JAK2: variants seen among roughly 807,000 people sequenced by gnomAD.
JAK2 encodes tyrosine-protein kinase JAK2.
Under a neutral mutation model 139.3 loss-of-function variants are expected in JAK2, and 86 were observed. That is an observed-to-expected ratio of 0.62 (90% CI 0.52 to 0.74). JAK2 has a LOEUF of 0.74. JAK2 is among the 30% of genes least tolerant of loss of function. The pLI, the probability that JAK2 is intolerant of heterozygous loss-of-function variation, is 0.00. For synonymous variants in JAK2, 490 were observed against 437.7 expected, an observed-to-expected ratio of 1.12 and a Z score of -1.49; for missense variants, 1,421 against 1,360.3, an observed-to-expected ratio of 1.04 and a Z score of -0.70.
At chr9:5,076,024 A>G (rs552323573) in intron 14 of JAK2, among the ~76,000 whole-genome samples, 2 of 152,262 alleles carry the variant, frequency 1.3e-5, no homozygotes, top group Admixed American at 1.3e-4. Context: ...CACTGCAGAG[A>G]TGGTGGAAAC....
At chr9:5,082,677 G>A (rs988965353) in intron 19 of JAK2, among the ~76,000 whole-genome samples, 5 of 152,228 alleles carry the variant, frequency 3.3e-5, no homozygotes, top group African/African-American at 4.8e-5. Flanking sequence ...GACATTACCC[G>A]GCTTTCCAGG....
rs750631973 is a variant in JAK2, at chr9:5,054,827, C to T, written c.879C>T (p.Asn293=). 15 of 1,611,986 alleles carry T rather than the reference C, an allele frequency of 9.3e-6. No individual in the cohort carries two copies. The highest frequency in any genetic ancestry group is 2.2e-5 in the East Asian group (1 of 44,832). Residue 293 remains asparagine, a synonymous_variant, in exon 7 of 25, where the codon AAC becomes AAT. Transcript: ENST00000381652. This position sits in a 1 kb window ranked among gnomAD's most constrained non-coding sequence, Gnocchi z 4.9. ...EIFATIIITG[N]GGIQWSRGKH... is the part of the protein sequence containing the mutation. ...TTGCAACCATTATAATAACTGGAAA[C>T]GGTGGAATTCAGTGGTCAAGAGGGA... is the stretch of plus-strand genomic sequence containing the variant.
intron 22 of JAK2, among the ~76,000 whole-genome samples, chr9:5,115,962 T>TG (rs1379224863): frequency 6.6e-6 from 1 of 151,942 alleles, no homozygotes; most frequent in Non-Finnish European, 1.5e-5. Context: ...ATGTAGTTGA[T>TG]GGGTTGATGG....
At chr9:5,095,546 T>G (rs1412899154) in intron 22 of JAK2, among the ~76,000 whole-genome samples, 2 of 152,148 alleles carry the variant, frequency 1.3e-5, no homozygotes, top group Non-Finnish European at 2.9e-5. Context: ...AAGCTAGAAA[T>G]AGCCCCCTTT....
At chr9:5,034,705 A>C (rs1350875253) in intron 4 of JAK2, among the ~76,000 whole-genome samples, 3 of 152,158 alleles carry the variant, frequency 2.0e-5, no homozygotes, top group Non-Finnish European at 4.4e-5. Context: ...ACAAAGACAC[A>C]ACATACCAGA....
Position 5,044,423 on chromosome 9 carries a change from A to C in JAK2, c.371A>C (p.Tyr124Ser). 6.2e-7 allele frequency: 1 copy of C among 1,610,994 alleles called. No homozygotes were observed. The highest frequency in any genetic ancestry group is 8.5e-7 in the Non-Finnish European group (1 of 1,177,864). The change falls in exon 5 of 25, where the codon TAT becomes TCT. Residue 124 changes from tyrosine to serine, a missense_variant. Tyr to Ser is a moderately radical substitution (Grantham distance 144). Coordinates refer to ENST00000381652, the MANE Select transcript of JAK2 (RefSeq NM_004972.4). ...TGTAGATTTTACTTTCCTCGTTGGT[A>C]TTGCAGTGGCAGCAACAGAGCCTAT... Reference protein sequence around the residue: ...YRIRFYFPRWYCSGSNRAYRH... With the variant: ...YRIRFYFPRWSCSGSNRAYRH...
In JAK2 at chr9:5,127,755, A is replaced by T; in HGVS notation, c.*964A>T. 1 of 232,566 alleles carries T rather than the reference A, an allele frequency of 4.3e-6. No homozygotes were observed. Among genetic ancestry groups the T allele is most frequent in the Non-Finnish European group, 8.5e-6 (1 of 117,230 alleles). 14.4% of individuals were successfully genotyped at this position (232,566 alleles called of 1,614,324 possible). A position where few individuals can be genotyped will look rare whatever the true frequency, so the allele number is the denominator to read the frequency against. On this transcript the variant is annotated 3_prime_UTR_variant, in exon 25 of 25. Transcript: ENST00000381652. Reference sequence around the variant, plus strand: ...CATAAAATAGATTAGATTGTTTTTTAAAAATGGATAGCTCATTAAGAAGTG... The same window carrying T: ...CATAAAATAGATTAGATTGTTTTTTTAAAATGGATAGCTCATTAAGAAGTG...
chr9:5,054,313 A>G lies in JAK2; in HGVS notation c.615-250A>G, dbSNP rs547952638. On this transcript the variant is annotated intron_variant, in intron 6 of 24. Transcript: ENST00000381652. This position sits in a 1 kb window ranked among gnomAD's most constrained non-coding sequence, Gnocchi z 4.9. ...ACTGAGGATTCATTTCATTAGGGGAAGAAGATTAACATCTTCTTTTGTAAA... is the reference window on the plus strand; with the variant it reads ...ACTGAGGATTCATTTCATTAGGGGAGGAAGATTAACATCTTCTTTTGTAAA... 6.6e-6 allele frequency among the ~76,000 whole-genome samples: 1 copy of G among 152,066 alleles called. No homozygotes were observed. The highest frequency in any genetic ancestry group is 1.5e-5 in the Non-Finnish European group (1 of 67,926).
intron 19 of JAK2, among the ~76,000 whole-genome samples, chr9:5,086,294 C>A (rs1368570069): frequency 1.3e-5 from 2 of 152,116 alleles, no homozygotes; most frequent in African/African-American, 4.8e-5. Flanking sequence ...GGACCTGGAG[C>A]CTGAAACCTC....
chr9:5,111,497 G>T, intron 22 of JAK2: 1 of 369,830 alleles, frequency 2.7e-6, no homozygotes, highest in Non-Finnish European at 5.3e-6. Flanking sequence ...CGGTAGGGAT[G>T]CCGCCGCCTA....
chr9:5,113,068 C>T (rs1406222881), intron 22 of JAK2, among the ~76,000 whole-genome samples: 1 of 152,062 alleles, frequency 6.6e-6, no homozygotes, highest in South Asian at 2.1e-4. Context: ...TCCCTGGGAC[C>T]CCGGCTCACC....
intron 22 of JAK2, among the ~76,000 whole-genome samples, chr9:5,105,430 G>C (rs1008128039): frequency 1.3e-5 from 2 of 152,148 alleles, no homozygotes; most frequent in Admixed American, 6.6e-5. Flanking sequence ...CAAACAAATG[G>C]AAGAACATTC....
chr9:5,031,203 T>C (rs1233067843), intron 4 of JAK2, among the ~76,000 whole-genome samples: 3 of 152,218 alleles, frequency 2.0e-5, no homozygotes, highest in Non-Finnish European at 4.4e-5. Flanking sequence ...TTACGGAATT[T>C]GACACATTAC....
At chr9:5,085,299 G>C (rs192289567) in intron 19 of JAK2, 16 of 724,902 alleles carry the variant, frequency 2.2e-5, no homozygotes, top group Non-Finnish European at 3.4e-5. Context: ...TAGAACATGA[G>C]GTGAAGTCGA....
At position 5,090,448 on chromosome 9, in the gene JAK2, C is replaced by A; in HGVS notation, c.2764C>A (p.Arg922=). The change falls in exon 21 of 25, where the codon CGG becomes AGG. Residue 922 remains arginine, a splice_region_variant and synonymous_variant. Transcript: ENST00000381652. ...TATTTCCACCTTTATGTTAAAAGGT[C>A]GGCGTAATCTAAAATTAATTATGGA... is the stretch of plus-strand genomic sequence containing the variant. ...KYKGVCYSAG[R]RNLKLIMEYL... is the part of the protein sequence containing the mutation. 6.5e-7 allele frequency: 1 copy of A among 1,542,454 alleles called. No individual in the cohort carries two copies. The highest frequency in any genetic ancestry group is 1.3e-5 in the South Asian group (1 of 78,264).
At chr9:5,099,510 C>G (rs1483150367) in intron 22 of JAK2, 3 of 152,072 alleles carry the variant, frequency 2.0e-5, no homozygotes, top group Non-Finnish European at 4.4e-5. Flanking sequence ...TATATTATCC[C>G]TACACCAAAA....
At chr9:5,020,444 G>T (rs1822342610) in intron 2 of JAK2, among the ~76,000 whole-genome samples, 1 of 152,170 alleles carries the variant, frequency 6.6e-6, no homozygotes, top group South Asian at 2.1e-4. Context: ...TGGTGGGCAG[G>T]AGCAGGATGA....
intron 3 of JAK2, among the ~76,000 whole-genome samples, chr9:5,027,673 C>G (rs1458915397): frequency 6.6e-6 from 1 of 152,178 alleles, no homozygotes; most frequent in African/African-American, 2.4e-5. Context: ...TTCACTCAAA[C>G]CCTGCCACTG....
intron 3 of JAK2, among the ~76,000 whole-genome samples, chr9:5,024,987 G>A (rs1044387340): frequency 1.3e-5 from 2 of 152,180 alleles, no homozygotes; most frequent in African/African-American, 4.8e-5. Flanking sequence ...GGACATGGGC[G>A]TAGTGGGTGG....
Sources: allele counts gnomAD v4.1 joint callset (sites outside exome capture counted in the v4.1 genomes callset), GRCh38; gene constraint gnomAD v4.1.1; non-coding constraint Gnocchi (gnomAD v3.1); transcripts MANE v1.5; gene names NCBI Gene and HGNC (gene_info 2026-07-23, HGNC 2026-07-21).